MAN1A2: variants seen among roughly 807,000 people sequenced by gnomAD.
The protein encoded by MAN1A2 is mannosyl-oligosaccharide 1,2-alpha-mannosidase IB.
In MAN1A2, 26 loss-of-function variants were observed where a neutral mutation model predicts 75.7. That is an observed-to-expected ratio of 0.34 (90% CI 0.25 to 0.48). The LOEUF is 0.48. Ranked by LOEUF, MAN1A2 falls within the 20% of genes least tolerant of loss-of-function variation. The pLI is 0.99. For missense variants in MAN1A2, 562 were observed against 775.5 expected (o/e 0.72, Z 3.27); for synonymous variants, 247 against 264.6 (o/e 0.93, Z 0.65).
At chr1:117,429,442 C>T (rs7518434) in intron 5 of MAN1A2, among the ~76,000 whole-genome samples, 34 of 118,234 alleles carry the variant, frequency 2.9e-4, no homozygotes, top group African/African-American at 3.8e-4. Flanking sequence ...GCTGACCCCC[C>T]CCACCTCCCT....
intron 12 of MAN1A2, chr1:117,514,914 T>C (rs562925670): frequency 3.8e-6 from 2 of 532,458 alleles, no homozygotes; most frequent in South Asian, 2.8e-5. Context: ...AAGTCCCCTA[T>C]TCTGCTGTTT....
chr1:117,432,748 A>G (rs1171130182), intron 5 of MAN1A2, among the ~76,000 whole-genome samples: 1 of 152,052 alleles, frequency 6.6e-6, no homozygotes, highest in African/African-American at 2.4e-5. Flanking sequence ...AGAGGCCAGC[A>G]TAGCACTAAC....
chr1:117,500,592 A>G (rs1651170149), intron 11 of MAN1A2, among the ~76,000 whole-genome samples: 3 of 151,852 alleles, frequency 2.0e-5, no homozygotes, highest in Admixed American at 6.6e-5. Flanking sequence ...AGGGGAGTAC[A>G]CTTATTTTTC....
chr1:117,460,186 C>T (rs986125671), intron 6 of MAN1A2, among the ~76,000 whole-genome samples: 1 of 151,976 alleles, frequency 6.6e-6, no homozygotes, highest in African/African-American at 2.4e-5. Flanking sequence ...CCTACATTTG[C>T]ATAAAACATT....
Position 117,462,187 on chromosome 1 carries a change from A to G in MAN1A2, c.1074+1575A>G, listed in dbSNP as rs1649843932. The stretch of plus-strand genomic sequence containing the variant: ...CTTGGGGTAAAGAAGGATTTTTACA[A>G]TGGGAAACAAAAAATATTACCTAGT... On this transcript the variant is annotated intron_variant, in intron 7 of 12. Transcript: ENST00000356554. 2.6e-5 allele frequency among the ~76,000 whole-genome samples: 4 copies of G among 152,146 alleles called. No individual in the cohort carries two copies. The South Asian group carries it at 6.2e-4, about 24-fold the overall frequency.
intron 1 of MAN1A2, among the ~76,000 whole-genome samples, chr1:117,374,404 A>G (rs1208867333): frequency 2.6e-5 from 4 of 152,120 alleles, no homozygotes; most frequent in Admixed American, 2.6e-4. Context: ...AGAAAAGTTT[A>G]TTTTCACTGC....
chr1:117,432,634 A>G (rs1482806592), intron 5 of MAN1A2, among the ~76,000 whole-genome samples: 2 of 152,156 alleles, frequency 1.3e-5, no homozygotes, highest in African/African-American at 2.4e-5. Context: ...GCTATTTCAC[A>G]AAATTAACTC....
chr1:117,413,176 AT>A (rs1452102929), intron 3 of MAN1A2, among the ~76,000 whole-genome samples: 1 of 151,954 alleles, frequency 6.6e-6, no homozygotes, highest in Non-Finnish European at 1.5e-5. Flanking sequence ...TCTAGATAAT[AT>A]CAACATGAAG....
chr1:117,519,138 A>T (rs1437860260), intron 12 of MAN1A2, among the ~76,000 whole-genome samples: 6 of 152,100 alleles, frequency 3.9e-5, no homozygotes, highest in Admixed American at 6.6e-5. Flanking sequence ...TTTGAATTGA[A>T]CAGCAGTAGT....
At chr1:117,486,694 C>A (rs1442295874) in intron 8 of MAN1A2, among the ~76,000 whole-genome samples, 4 of 151,792 alleles carry the variant, frequency 2.6e-5, no homozygotes, top group Non-Finnish European at 5.9e-5. Context: ...GAATAAAGGA[C>A]TAAAATTTGA....
chr1:117,504,314 GT>G (rs56375805), intron 12 of MAN1A2, among the ~76,000 whole-genome samples: 31,633 of 137,904 alleles, frequency 0.23, 4,254 homozygotes, highest in East Asian at 0.43. Flanking sequence ...TATCTCTCCT[GT>G]TTTTTTTTTT....
chr1:117,526,880 C>CTCTCTCTCTCTCTATATATATA lies in MAN1A2; in HGVS notation c.*3924_*3925insCTCTCTCTCTCTATATATATAT. ...TCTCTCTCTCTCTCTCTCTCTCTCTCTATATATATATATATATATATATAT... is the reference window on the plus strand; with the variant it reads ...TCTCTCTCTCTCTCTCTCTCTCTCTCTCTCTCTCTCTCTATATATATATATATATATATATATATATATATAT... On this transcript the variant is annotated 3_prime_UTR_variant, in exon 13 of 13. Transcript: ENST00000356554. 20 of 54,512 alleles carry CTCTCTCTCTCTCTATATATATA rather than the reference C, an allele frequency of 3.7e-4. No individual in the cohort carries two copies. Among genetic ancestry groups the CTCTCTCTCTCTCTATATATATA allele is most frequent in the Non-Finnish European group, 4.5e-4 (13 of 29,160 alleles). The allele number at this position is 54,512 out of a possible 1,614,324, so 3.4% of individuals were successfully genotyped here. A position where few individuals can be genotyped will look rare whatever the true frequency, so the allele number is the denominator to read the frequency against.
intron 1 of MAN1A2, among the ~76,000 whole-genome samples, chr1:117,388,127 G>C (rs1036211707): frequency 3.3e-5 from 5 of 152,112 alleles, no homozygotes; most frequent in Admixed American, 3.3e-4. Context: ...GGTAAATCTA[G>C]GCTGACCACA....
rs541208760 is a variant in MAN1A2, at chr1:117,457,318, C to T, written c.951-3171C>T. Reference sequence around the variant, plus strand: ...GTTACTCAGGTTCTCTGAGTATATACGTAAATTTTAGTATCCAGACCTTTT... The same window carrying T: ...GTTACTCAGGTTCTCTGAGTATATATGTAAATTTTAGTATCCAGACCTTTT... On this transcript the variant is annotated intron_variant, in intron 6 of 12. Transcript: ENST00000356554. Among the ~76,000 whole-genome samples, 17 of 151,982 alleles carry T rather than the reference C, an allele frequency of 1.1e-4. No homozygotes were observed. In the East Asian group the frequency reaches 2.5e-3, roughly 22 times the overall value.
intron 5 of MAN1A2, among the ~76,000 whole-genome samples, chr1:117,427,135 G>GA (rs1268977267): frequency 4.0e-5 from 6 of 148,536 alleles, no homozygotes; most frequent in Non-Finnish European, 5.9e-5. Context: ...CTCAATGTAT[G>GA]AAAAAAATAG....
intron 1 of MAN1A2, among the ~76,000 whole-genome samples, chr1:117,392,418 TGTATG>T (rs1653753096): frequency 6.6e-6 from 1 of 152,184 alleles, no homozygotes. Context: ...GTCATATACT[TGTATG>T]GTTAACAAGT....
chr1:117,502,995 T>G (rs1157239577), intron 12 of MAN1A2, 25 bp downstream of exon 12: 1 of 1,254,620 alleles, frequency 8.0e-7, no homozygotes, highest in Non-Finnish European at 1.1e-6. Context: ...TTAAAAAATA[T>G]TTTTATACTA....
intron 3 of MAN1A2, among the ~76,000 whole-genome samples, chr1:117,408,773 A>ATT (rs34524856): frequency 5.0e-4 from 76 of 150,608 alleles, no homozygotes; most frequent in Admixed American, 1.1e-3. Flanking sequence ...TGCATCTGGA[A>ATT]TTTTTTTTTT....
chr1:117,521,546 G>A (rs773008414), intron 12 of MAN1A2, among the ~76,000 whole-genome samples: 3 of 152,004 alleles, frequency 2.0e-5, no homozygotes, highest in Non-Finnish European at 2.9e-5. Flanking sequence ...CGTGGATGCA[G>A]TGATCAGGGA....
Sources: allele counts gnomAD v4.1 joint callset (sites outside exome capture counted in the v4.1 genomes callset), GRCh38; gene constraint gnomAD v4.1.1; transcripts MANE v1.5; gene names NCBI Gene and HGNC (gene_info 2026-07-23, HGNC 2026-07-21).